The following AEBP2 variants were observed in gnomAD, a reference collection of about 807,000 sequenced individuals.
AEBP2 encodes zinc finger protein AEBP2.
In AEBP2, 10 loss-of-function variants were observed where a neutral mutation model predicts 50.8. The observed-to-expected ratio is 0.20, with a 90% CI of 0.12 to 0.33. The LOEUF (loss-of-function observed/expected upper bound fraction) is 0.33. AEBP2 is among the 10% of genes least tolerant of loss of function. The pLI is 1.00. For synonymous variants in AEBP2, 296 were observed against 261.3 expected (o/e 1.13, Z -1.28); for missense variants, 570 against 688.0 (o/e 0.83, Z 1.92).
intron 1 of AEBP2, chr12:19,440,632 C>T (rs1947938715): frequency 1.3e-6 from 2 of 1,522,092 alleles, no homozygotes; most frequent in Non-Finnish European, 8.8e-7. Context: ...CCTCACGGAC[C>T]TCAGGACGGC....
rs547751807 is a variant in AEBP2, at chr12:19,499,027, G to A, written c.1175-1070G>A. 1.6e-3 allele frequency among the ~76,000 whole-genome samples: 237 copies of A among 151,916 alleles called. 1 individual carries two copies. The highest frequency in any genetic ancestry group is 2.7e-3 in the Non-Finnish European group (185 of 67,922). ...AATGAGACTGTGTCTAAAAGAAAAA[G>A]AAAAAAACCAGTTATATAAGCTGAT... On this transcript the variant is annotated intron_variant, in intron 4 of 7. Coordinates refer to ENST00000266508, the MANE Select transcript of AEBP2 (RefSeq NM_153207.5).
chr12:19,487,521 C>A (rs1350301708), intron 3 of AEBP2, among the ~76,000 whole-genome samples: 1 of 152,068 alleles, frequency 6.6e-6, no homozygotes, highest in Non-Finnish European at 1.5e-5. Flanking sequence ...AGTTCGAGAC[C>A]AGTCTGACCA....
chr12:19,456,634 G>A (rs1450541966), intron 1 of AEBP2: 11 of 1,526,268 alleles, frequency 7.2e-6, no homozygotes, highest in Admixed American at 1.7e-5. Flanking sequence ...GCTTCCATTG[G>A]TGGGTCATCT....
At chr12:19,497,614 C>A (rs925173349) in intron 4 of AEBP2, among the ~76,000 whole-genome samples, 2 of 151,804 alleles carry the variant, frequency 1.3e-5, no homozygotes, top group Non-Finnish European at 2.9e-5. Flanking sequence ...CTGGGACTAC[C>A]GGCACACACT....
intron 3 of AEBP2, among the ~76,000 whole-genome samples, chr12:19,473,805 T>G (rs1380852349): frequency 1.3e-5 from 2 of 152,226 alleles, no homozygotes; most frequent in Non-Finnish European, 2.9e-5. Flanking sequence ...TGTTTTAACA[T>G]TCTTGTACAC....
chr12:19,435,066 A>C (rs1254741966), upstream of AEBP2, among the ~76,000 whole-genome samples: 2 of 152,034 alleles, frequency 1.3e-5, no homozygotes, highest in Non-Finnish European at 2.9e-5. Flanking sequence ...TAGATTCTAC[A>C]GATGTACAAT....
chr12:19,500,162 A>T lies in AEBP2; in HGVS notation c.1240A>T (p.Asn414Tyr). ...DAIRHRAICF[N>Y]LSAHIESLGK... Reference sequence around the variant, plus strand: ...GATAAGACATCGAGCCATATGCTTTAACCTCTCAGCTCATATAGAAAGTTT... The same window carrying T: ...GATAAGACATCGAGCCATATGCTTTTACCTCTCAGCTCATATAGAAAGTTT... The change falls in exon 5 of 8, where the codon AAC becomes TAC. Residue 414 changes from asparagine (N) to tyrosine (Y), a missense_variant. Physicochemically the swap from Asn to Tyr is moderately radical, Grantham distance 143. This residue lies in a region of AEBP2 where 184 missense variants were observed against 351.2 expected (regional missense o/e 0.52). Transcript: ENST00000266508. The T allele has an allele frequency of 6.2e-7, 1 of 1,602,308 alleles. No individual in the cohort carries two copies. Among genetic ancestry groups the T allele is most frequent in the East Asian group, 2.2e-5 (1 of 44,468 alleles).
rs1359837065 is a variant in AEBP2, at chr12:19,519,976, TTTG to T, written c.*1865_*1867del. 7 of 152,574 alleles carry T rather than the reference TTTG, an allele frequency of 4.6e-5. No homozygotes were observed. The highest frequency in any genetic ancestry group is 9.6e-5 in the African/African-American group (4 of 41,460). 9.5% of individuals were successfully genotyped at this position (152,574 alleles called of 1,614,324 possible). ...AAAGAAAAGCAGTGTGTTTTCTTTT[TTTG>T]TTGTTTTCTTTTGCTTAAGCACTTC... On this transcript the variant is annotated 3_prime_UTR_variant, in exon 8 of 8. Transcript: ENST00000266508.
chr12:19,459,308 C>T (rs1282962061), intron 1 of AEBP2, among the ~76,000 whole-genome samples: 5 of 151,844 alleles, frequency 3.3e-5, no homozygotes, highest in Non-Finnish European at 5.9e-5. Flanking sequence ...CTGGGCTCAC[C>T]GCAAGCTCTG....
chr12:19,425,217 C>T (rs542796854), intron 1 of AEBP2, among the ~76,000 whole-genome samples: 2 of 152,134 alleles, frequency 1.3e-5, no homozygotes, highest in South Asian at 2.1e-4. Context: ...TTCCAGCACA[C>T]GGGAAAGGAA....
chr12:19,499,310 C>T (rs1949032204), intron 4 of AEBP2, among the ~76,000 whole-genome samples: 1 of 151,998 alleles, frequency 6.6e-6, no homozygotes, highest in Non-Finnish European at 1.5e-5. Flanking sequence ...CAAGAAAATA[C>T]TTGTCAAAAA....
At chr12:19,420,328 A>AT (rs780103252) in intron 1 of AEBP2, among the ~76,000 whole-genome samples, 40,621 of 76,704 alleles carry the variant, frequency 0.53, 12,707 homozygotes, top group Non-Finnish European at 0.62. Flanking sequence ...TGTGCTGACC[A>AT]TTTTTTTTTT....
intron 1 of AEBP2, among the ~76,000 whole-genome samples, chr12:19,447,665 C>T (rs138776908): frequency 6.0e-5 from 8 of 133,580 alleles, no homozygotes; most frequent in Non-Finnish European, 1.1e-4. Flanking sequence ...AAAGGGGTTA[C>T]GTATTTACTT....
At chr12:19,478,780 G>C (rs1240295103) in intron 3 of AEBP2, among the ~76,000 whole-genome samples, 1 of 152,056 alleles carries the variant, frequency 6.6e-6, no homozygotes, top group Non-Finnish European at 1.5e-5. Flanking sequence ...TAGTTTTGAG[G>C]GTTCCTTTTG....
chr12:19,449,675 CAT>C (rs1948132115), intron 1 of AEBP2, among the ~76,000 whole-genome samples: 1 of 152,120 alleles, frequency 6.6e-6, no homozygotes, highest in East Asian at 1.9e-4. Flanking sequence ...GATAAAAATT[CAT>C]TTTAGCTTTT....
At chr12:19,514,609 A>T (rs976377454) in intron 6 of AEBP2, 62 bp from the exon 7 acceptor site, 91 of 1,274,266 alleles carry the variant, frequency 7.1e-5, no homozygotes, top group Non-Finnish European at 9.5e-5. Context: ...ATGTGAAGGC[A>T]CATGGAAGTG....
chr12:19,495,684 G>T (rs1948968038), intron 4 of AEBP2, among the ~76,000 whole-genome samples: 1 of 151,900 alleles, frequency 6.6e-6, no homozygotes, highest in Non-Finnish European at 1.5e-5. Flanking sequence ...TGGGACTACA[G>T]GCCTGAGCCA....
chr12:19,514,802 T>G lies in AEBP2; in HGVS notation c.1481+18T>G, dbSNP rs560926986. 6.4e-7 allele frequency: 1 copy of G among 1,562,502 alleles called. No homozygotes were observed. Among genetic ancestry groups the G allele is most frequent in the Admixed American group, 1.8e-5 (1 of 54,850 alleles). ...ATATACAGGTAATTTAATTCTTGCCTTTATGTTTTACTTTTTGATTTGTAA... is the reference window on the plus strand; with the variant it reads ...ATATACAGGTAATTTAATTCTTGCCGTTATGTTTTACTTTTTGATTTGTAA... On this transcript the variant is annotated intron_variant, in intron 7 of 7. Coordinates refer to ENST00000266508, the MANE Select transcript of AEBP2 (RefSeq NM_153207.5).
intron 3 of AEBP2, among the ~76,000 whole-genome samples, chr12:19,475,267 A>G (rs1948631176): frequency 1.3e-5 from 2 of 149,128 alleles, no homozygotes; most frequent in South Asian, 4.2e-4. Context: ...CTATTATATC[A>G]TTCTTATGCC....
Sources: gnomAD v4.1 joint callset for allele counts (sites outside exome capture counted in the v4.1 genomes callset) on GRCh38, gnomAD v4.1.1 for gene constraint, gnomAD v4.1.1 regional missense constraint, MANE v1.5 for transcripts, NCBI Gene and HGNC (gene_info 2026-07-23, HGNC 2026-07-21) for gene names.